The following SGK1 variants were observed in gnomAD, a reference collection of about 807,000 sequenced individuals.
SGK1 encodes serum/glucocorticoid regulated kinase 1.
SGK1 carries 26 observed loss-of-function variants against 64.2 expected under a neutral mutation model. The ratio of observed to expected loss-of-function variants is 0.40; its 90% CI spans 0.30 to 0.56. The LOEUF (loss-of-function observed/expected upper bound fraction) is 0.56, where lower values mean the gene tolerates loss of function less well. Ranked by LOEUF, SGK1 falls within the 20% of genes least tolerant of loss-of-function variation. SGK1 has a pLI of 0.38. For synonymous variants in SGK1, 265 were observed against 239.7 expected, an observed-to-expected ratio of 1.11 and a Z score of -0.98; for missense variants, 519 against 645.6, an observed-to-expected ratio of 0.80 and a Z score of 2.12.
chr6:134,220,981 CA>C (rs201634413), intron 2 of SGK1, among the ~76,000 whole-genome samples: 20,348 of 91,000 alleles, frequency 0.22, 1,799 homozygotes, highest in African/African-American at 0.35. Flanking sequence ...GACTCCGGCT[CA>C]AAAAAAAAAA....
intron 3 of SGK1, among the ~76,000 whole-genome samples, chr6:134,197,088 C>T (rs952748263): frequency 2.0e-5 from 3 of 152,022 alleles, no homozygotes; most frequent in African/African-American, 7.3e-5. Flanking sequence ...AAAAAATTAG[C>T]TGGGCGTGGT....
intron 2 of SGK1, among the ~76,000 whole-genome samples, chr6:134,255,688 G>A (rs1252489719): frequency 6.1e-5 from 9 of 147,328 alleles, no homozygotes; most frequent in South Asian, 2.2e-4. Flanking sequence ...AGGTTCAAGC[G>A]ATTCTCCTGC....
rs1009416989 is a variant in SGK1, at chr6:134,218,244, A to G, written c.286-10813T>C. ...TCTTGAGTTACATTTTAAGATGTCAATTGAGAACGGATACGGGTTTCTTAA... is the reference window on the plus strand; with the variant it reads ...TCTTGAGTTACATTTTAAGATGTCAGTTGAGAACGGATACGGGTTTCTTAA... On this transcript the variant is annotated intron_variant, in intron 2 of 13. Transcript: ENST00000367858. Among the ~76,000 whole-genome samples, 7 of 152,266 alleles carry G rather than the reference A, an allele frequency of 4.6e-5. No homozygotes were observed. The East Asian group carries it at 7.7e-4, about 17-fold the overall frequency.
intron 1 of SGK1, among the ~76,000 whole-genome samples, chr6:134,292,838 G>A (rs959513062): frequency 1.3e-5 from 2 of 152,132 alleles, no homozygotes; most frequent in African/African-American, 2.4e-5. Context: ...AAATATTTCC[G>A]TCTTTTAAAG....
At chr6:134,174,288 A>T (rs919465756) in intron 4 of SGK1, 2 of 603,710 alleles carry the variant, frequency 3.3e-6, no homozygotes, top group African/African-American at 3.7e-5. Context: ...AAAGGCCGTG[A>T]ATTCGGCCAA....
intron 2 of SGK1, among the ~76,000 whole-genome samples, chr6:134,229,454 C>G (rs1009912634): frequency 2.6e-5 from 4 of 152,200 alleles, no homozygotes; most frequent in Admixed American, 2.6e-4. Flanking sequence ...CATCCTTGTT[C>G]CATTTACTCC....
chr6:134,218,807 G>C (rs1014076565), intron 2 of SGK1: 4 of 152,140 alleles, frequency 2.6e-5, no homozygotes, highest in African/African-American at 9.7e-5. Flanking sequence ...CATGAGTAAG[G>C]AGTGAGGCGA....
intron 1 of SGK1, among the ~76,000 whole-genome samples, chr6:134,307,633 T>C (rs1029427633): frequency 6.6e-6 from 1 of 152,230 alleles, no homozygotes; most frequent in African/African-American, 2.4e-5. Flanking sequence ...ATAGTTGTTA[T>C]ACTGTATTGC....
At chr6:134,171,588 A>C in intron 11 of SGK1, 49 bp downstream of exon 11, 2 of 1,333,482 alleles carry the variant, frequency 1.5e-6, no homozygotes, top group Non-Finnish European at 2.2e-6. Flanking sequence ...TGTGAAGGCA[A>C]TATTGTAGGG....
rs1562276727 is a variant in SGK1 at position 134,293,669 on chromosome 6, T to C, written c.69+23723A>G. 2.6e-5 allele frequency among the ~76,000 whole-genome samples: 4 copies of C among 152,134 alleles called. No homozygotes were observed. The South Asian group carries it at 6.2e-4, about 24-fold the overall frequency. ...TCGTGAGTTAGGAAAAAGTTAATAG[T>C]ATAAGGCCAAACTCAAGGAAGCCTG... On this transcript the variant is annotated intron_variant, in intron 1 of 13. Coordinates refer to ENST00000367858, the MANE Select transcript of SGK1 (RefSeq NM_001143676.3).
At chr6:134,192,606 C>T (rs1775532490) in intron 3 of SGK1, among the ~76,000 whole-genome samples, 1 of 149,082 alleles carries the variant, frequency 6.7e-6, no homozygotes, top group Non-Finnish European at 1.5e-5. Flanking sequence ...ATCCCCCCTC[C>T]CCCCATTCTT....
At chr6:134,174,363 A>T (rs1392901052) in intron 4 of SGK1, 148 bp downstream of exon 4, 2 of 636,692 alleles carry the variant, frequency 3.1e-6, no homozygotes, top group Non-Finnish European at 5.4e-6. Flanking sequence ...AATGTTTAAA[A>T]TGTGTCAAAT....
intron 2 of SGK1, among the ~76,000 whole-genome samples, chr6:134,236,865 G>A (rs767386185): frequency 1.1e-4 from 16 of 151,974 alleles, no homozygotes; most frequent in East Asian, 1.9e-4. Flanking sequence ...CTATGAACTC[G>A]CAAGTGTTAA....
chr6:134,299,636 A>C lies in SGK1; in HGVS notation c.69+17756T>G, dbSNP rs370810531. Among the ~76,000 whole-genome samples, 20 of 152,290 alleles carry C rather than the reference A, an allele frequency of 1.3e-4. No homozygotes were observed. In the South Asian group the frequency reaches 4.1e-3, roughly 32 times the overall value. ...CTGACATACAGTAAAACTCATAACA[A>C]GTATGCTCATTAGCATAATTATTAA... On this transcript the variant is annotated intron_variant, in intron 1 of 13. Transcript: ENST00000367858.
At chr6:134,235,320 T>C (rs1173168816) in intron 2 of SGK1, among the ~76,000 whole-genome samples, 5 of 152,104 alleles carry the variant, frequency 3.3e-5, no homozygotes, top group African/African-American at 4.8e-5. Context: ...TTCAGGTCCT[T>C]GGGGAATATC....
At chr6:134,260,743 G>A (rs1776755574) in intron 2 of SGK1, 1 of 146,794 alleles carries the variant, frequency 6.8e-6, no homozygotes, top group Non-Finnish European at 1.5e-5. Flanking sequence ...ATAACTCAGA[G>A]TGAAAAGGAA....
At chr6:134,237,812 T>C (rs545903553) in intron 2 of SGK1, among the ~76,000 whole-genome samples, 1 of 152,324 alleles carries the variant, frequency 6.6e-6, no homozygotes, top group East Asian at 1.9e-4. Context: ...GAAATAGCTT[T>C]CCACCAAAAT....
At chr6:134,232,284 T>C (rs7759115) in intron 2 of SGK1, among the ~76,000 whole-genome samples, 125,976 of 150,512 alleles carry the variant, frequency 0.84, 53,318 homozygotes, top group East Asian at 1. Flanking sequence ...ATTCGGGAGG[T>C]TGAGGCAGGA....
intron 1 of SGK1, 42 bp from the exon 2 acceptor site, chr6:134,262,190 TC>T: frequency 3.5e-6 from 5 of 1,415,626 alleles, no homozygotes; most frequent in Non-Finnish European, 4.8e-6. Context: ...TGTGTTTGAC[TC>T]CCTTTGATGT....
Sources: gnomAD v4.1 joint callset for allele counts (sites outside exome capture counted in the v4.1 genomes callset) on GRCh38, gnomAD v4.1.1 for gene constraint, MANE v1.5 for transcripts, NCBI Gene and HGNC (gene_info 2026-07-23, HGNC 2026-07-21) for gene names.